DNAH7: variants seen among roughly 807,000 people sequenced by gnomAD.
DNAH7 encodes axonemal beta dynein heavy chain 7.
A neutral mutation model predicts 444.6 loss-of-function variants in DNAH7; 397 were observed. The ratio of observed to expected loss-of-function variants is 0.89; its 90% CI spans 0.82 to 0.97. The LOEUF (loss-of-function observed/expected upper bound fraction) is 0.97, where lower values mean the gene tolerates loss of function less well. Among genes scored for constraint, DNAH7 ranks in the 50% least tolerant of loss-of-function variants. The probability of loss-of-function intolerance (pLI) is 0.00; values close to 1 mark genes in which losing one functional copy is unlikely to be tolerated. For missense variants in DNAH7, 4,902 were observed against 4,800.8 expected (o/e 1.02, Z -0.62); for synonymous variants, 1,636 against 1,624.4 (o/e 1.01, Z -0.17).
At chr2:195,778,707 C>CATATATATACACAT (rs1559089940) in intron 58 of DNAH7, among the ~76,000 whole-genome samples, 1 of 63,814 alleles carries the variant, frequency 1.6e-5, no homozygotes, top group African/African-American at 5.5e-5. Context: ...TATATATACA[C>CATATATATACACAT]ATATATATAC....
At chr2:195,861,667 G>C in intron 42 of DNAH7, 50 bp downstream of exon 42, 1 of 1,312,278 alleles carries the variant, frequency 7.6e-7, no homozygotes. Context: ...GCACACACAA[G>C]TATTTTTAAT....
At chr2:195,856,922 C>A (rs888455320) in intron 44 of DNAH7, among the ~76,000 whole-genome samples, 1 of 152,042 alleles carries the variant, frequency 6.6e-6, no homozygotes, top group Non-Finnish European at 1.5e-5. Flanking sequence ...TTAAACCACA[C>A]ATTAAAGAGA....
Position 195,808,792 on chromosome 2 carries a change from G to A in DNAH7, c.9973C>T (p.Gln3325Ter). ...CGACATATTTCATCCCAGGATTTCTGAGGAAGCCATGTACAAAGGTTGGCA... is the reference window on the plus strand; with the variant it reads ...CGACATATTTCATCCCAGGATTTCTAAGGAAGCCATGTACAAAGGTTGGCA... ...PYANLCTWLP[Q>*]KSWDEICRLD... Residue 3325 changes from glutamine to a stop codon, truncating the protein, a stop_gained, in exon 53 of 65, where the codon CAG (glutamine) becomes TAG (stop). Coordinates refer to ENST00000312428, the MANE Select transcript of DNAH7 (RefSeq NM_018897.3). LOFTEE classifies it high-confidence loss of function. The A allele has an allele frequency of 1.7e-5, 27 of 1,613,982 alleles. No individual in the cohort carries two copies. The highest frequency in any genetic ancestry group is 2.3e-5 in the Non-Finnish European group (27 of 1,179,944).
intron 55 of DNAH7, 38 bp downstream of exon 55, chr2:195,799,258 T>C (rs189012600): frequency 7.0e-7 from 1 of 1,435,452 alleles, no homozygotes; most frequent in Admixed American, 2.5e-5. Flanking sequence ...ATTGCTTTTT[T>C]AAAATAATAT....
chr2:195,910,108 C>A lies in DNAH7; in HGVS notation c.4023G>T (p.Leu1341Phe), dbSNP rs748719673. The change falls in exon 25 of 65, where the codon TTG becomes TTT. Residue 1341 changes from leucine (L) to phenylalanine (F), a missense_variant. By Grantham distance (22) the Leu-to-Phe change is conservative (BLOSUM62 0). Transcript: ENST00000312428. ...CACATTGTTTGGCTACAGCTTTTGC[C>A]AAATCCTTGGTAGTTTCAGTCTTCC... ...GTGKTETTKD[L>F]AKAVAKQCVV... 6.2e-7 allele frequency: 1 copy of A among 1,613,782 alleles called. No individual in the cohort carries two copies. Among genetic ancestry groups the A allele is most frequent in the African/African-American group, 1.3e-5 (1 of 74,912 alleles).
chr2:196,051,099 G>T, intron 3 of DNAH7, 88 bp downstream of exon 3: 1 of 1,155,224 alleles, frequency 8.7e-7, no homozygotes, highest in Non-Finnish European at 1.3e-6. Context: ...AATGGAGCAG[G>T]AATTTGCTTA....
At chr2:195,998,318 T>C (rs1349036318) in intron 12 of DNAH7, among the ~76,000 whole-genome samples, 1 of 152,194 alleles carries the variant, frequency 6.6e-6, no homozygotes, top group African/African-American at 2.4e-5. Flanking sequence ...CTCATGCCTA[T>C]AATCCCAGCA....
At chr2:195,762,962 C>A in intron 61 of DNAH7, among the ~76,000 whole-genome samples, 1 of 151,872 alleles carries the variant, frequency 6.6e-6, no homozygotes. Flanking sequence ...ACATGTTAGG[C>A]CACAAAAAAA....
intron 60 of DNAH7, among the ~76,000 whole-genome samples, chr2:195,772,436 T>G (rs1694883391): frequency 6.6e-6 from 1 of 152,200 alleles, no homozygotes; most frequent in South Asian, 2.1e-4. Context: ...AAGACAGACT[T>G]TAGTGATTCA....
Position 195,817,645 on chromosome 2 carries a change from T to C in DNAH7, c.9425+51A>G, listed in dbSNP as rs766155089. 14 of 1,517,568 alleles carry C rather than the reference T, an allele frequency of 9.2e-6. No homozygotes were observed. In the Admixed American group the frequency reaches 1.3e-4, roughly 14 times the overall value. The allele number at this position is 1,517,568 out of a possible 1,614,324, so 94.0% of individuals were successfully genotyped here. A position where few individuals can be genotyped will look rare whatever the true frequency, so the allele number is the denominator to read the frequency against. ...ATCTGTAAAATGTATTTTAATTCATTCTAGTGATCTAGAAACAAATAAGAA... is the reference window on the plus strand; with the variant it reads ...ATCTGTAAAATGTATTTTAATTCATCCTAGTGATCTAGAAACAAATAAGAA... On this transcript the variant is annotated intron_variant, in intron 50 of 64. Coordinates refer to ENST00000312428, the MANE Select transcript of DNAH7 (RefSeq NM_018897.3).
At chr2:195,933,664 C>T (rs1414716320) in intron 21 of DNAH7, among the ~76,000 whole-genome samples, 1 of 150,808 alleles carries the variant, frequency 6.6e-6, no homozygotes, top group Non-Finnish European at 1.5e-5. Flanking sequence ...AAACCAAACA[C>T]CGCATGTTCT....
intron 50 of DNAH7, among the ~76,000 whole-genome samples, chr2:195,817,327 TGTTATGAGCAGAAA>T (rs1348325546): frequency 6.6e-6 from 1 of 152,204 alleles, no homozygotes; most frequent in Admixed American, 6.5e-5. Context: ...ATGATACAGA[TGTTATGAGCAGAAA>T]GTGGGATGCA....
intron 49 of DNAH7, among the ~76,000 whole-genome samples, chr2:195,822,320 A>G (rs2124909146): frequency 6.6e-6 from 1 of 152,306 alleles, no homozygotes; most frequent in South Asian, 2.1e-4. Context: ...AGACACAAGG[A>G]AGTATCCATT....
intron 39 of DNAH7, among the ~76,000 whole-genome samples, chr2:195,872,709 G>A (rs534366225): frequency 1.3e-5 from 2 of 152,186 alleles, no homozygotes; most frequent in East Asian, 3.9e-4. Flanking sequence ...AGCAGGGCCA[G>A]TTTAATGGAC....
intron 40 of DNAH7, among the ~76,000 whole-genome samples, chr2:195,869,154 CA>C (rs1240042520): frequency 1.3e-5 from 2 of 151,852 alleles, no homozygotes; most frequent in Non-Finnish European, 2.9e-5. Flanking sequence ...TCCACAAGGC[CA>C]GCGTCCCTTC....
At chr2:195,955,835 G>T (rs1042330931) in intron 19 of DNAH7, among the ~76,000 whole-genome samples, 2 of 151,838 alleles carry the variant, frequency 1.3e-5, no homozygotes, top group African/African-American at 4.8e-5. Context: ...CCTTCTAAAT[G>T]GAAATATATC....
At chr2:195,877,898 C>G (rs760644942) in intron 36 of DNAH7, among the ~76,000 whole-genome samples, 2 of 152,030 alleles carry the variant, frequency 1.3e-5, no homozygotes, top group Non-Finnish European at 1.5e-5. Flanking sequence ...CCTGTGATTG[C>G]CAGTTAGAAT....
intron 19 of DNAH7, among the ~76,000 whole-genome samples, chr2:195,947,670 C>T (rs1391874950): frequency 1.3e-5 from 2 of 152,168 alleles, no homozygotes; most frequent in Non-Finnish European, 2.9e-5. Context: ...ATATGTGCCA[C>T]ATTTTCTTTA....
chr2:195,811,010 G>A (rs1336293428), intron 51 of DNAH7, among the ~76,000 whole-genome samples: 2 of 152,084 alleles, frequency 1.3e-5, no homozygotes, highest in African/African-American at 4.8e-5. Context: ...AGATTGAAGG[G>A]AAATTATAAA....
Sources: gnomAD v4.1 joint callset for allele counts (sites outside exome capture counted in the v4.1 genomes callset) on GRCh38, gnomAD v4.1.1 for gene constraint, MANE v1.5 for transcripts, NCBI Gene and HGNC (gene_info 2026-07-23, HGNC 2026-07-21) for gene names.